MTCH2: variants seen among roughly 807,000 people sequenced by gnomAD.
The protein encoded by MTCH2 is mitochondrial carrier homolog 2.
Under a neutral mutation model 50.6 loss-of-function variants are expected in MTCH2, and 25 were observed. That is an observed-to-expected ratio of 0.49 (90% CI 0.36 to 0.69). MTCH2 has a LOEUF of 0.69. Among genes scored for constraint, MTCH2 ranks in the 30% least tolerant of loss-of-function variants. The pLI is 0.00. For missense variants in MTCH2, 273 were observed against 384.4 expected (o/e 0.71, Z 2.42); for synonymous variants, 106 against 132.0 (o/e 0.80, Z 1.35).
the MTCH2 span, among the ~76,000 whole-genome samples, chr11:47,611,862 A>C: frequency 6.6e-6 from 1 of 152,190 alleles, no homozygotes. Context: ...GTTCCAGACA[A>C]GAGATTTGGT....
chr11:47,635,957 A>G (rs1023869502), intron 3 of MTCH2, among the ~76,000 whole-genome samples: 1 of 151,834 alleles, frequency 6.6e-6, no homozygotes, highest in Non-Finnish European at 1.5e-5. Context: ...GTGAAACCCC[A>G]TCTCTACTAA....
At position 47,631,587 on chromosome 11, in the gene MTCH2, A is replaced by G. The variant is rs1481329043; in HGVS notation, c.427+67T>C. On this transcript the variant is annotated intron_variant, in intron 6 of 12. Transcript: ENST00000302503. ...AGGCATTTTAGTCAACTCCCACGTC[A>G]ACCTATCTAAGTGGTCAGGAGAGAT... is the stretch of plus-strand genomic sequence containing the variant. 2.6e-6 allele frequency: 4 copies of G among 1,523,994 alleles called. No individual in the cohort carries two copies. In the African/African-American group the frequency reaches 5.5e-5, roughly 21 times the overall value. 94.4% of individuals were successfully genotyped at this position (1,523,994 alleles called of 1,614,324 possible). A position where few individuals can be genotyped will look rare whatever the true frequency, so the allele number is the denominator to read the frequency against.
At chr11:47,633,526 ATTTTTTTTTT>A (rs869251946) in intron 5 of MTCH2, among the ~76,000 whole-genome samples, 3,574 of 34,926 alleles carry the variant, frequency 0.1, 82 homozygotes, top group South Asian at 0.22. Flanking sequence ...ATATATATAT[ATTTTTTTTTT>A]TTTTTTTTTT....
intron 3 of MTCH2, among the ~76,000 whole-genome samples, chr11:47,636,425 C>A (rs1209334682): frequency 1.4e-5 from 2 of 145,296 alleles, no homozygotes. Flanking sequence ...CAGAGCAAGA[C>A]TCCATCTCAG....
chr11:47,638,785 C>A lies in MTCH2; in HGVS notation c.193G>T (p.Asp65Tyr), dbSNP rs370973631. 118 of 1,613,930 alleles carry A rather than the reference C, an allele frequency of 7.3e-5. No homozygotes were observed. Among genetic ancestry groups the A allele is most frequent in the South Asian group, 6.6e-4 (60 of 91,082 alleles). Residue 65 changes from aspartate (D) to tyrosine (Y), a missense_variant, in exon 3 of 13, where the codon GAT becomes TAT. This residue lies in a region of MTCH2 where 203 missense variants were observed against 244.3 expected (regional missense o/e 0.83). Transcript: ENST00000302503. ...CCTGTGAACAACCCGCGCCTCCCAT[C>A]GATACTGGCAATGTGCTGAGCTAAG... is the stretch of plus-strand genomic sequence containing the variant. The part of the protein sequence containing the change: ...FSYAQHIASI[D>Y]GRRGLFTGLT...
chr11:47,631,603 C>G, intron 6 of MTCH2, 51 bp downstream of exon 6: 1 of 1,579,382 alleles, frequency 6.3e-7, no homozygotes, highest in Non-Finnish European at 8.7e-7. Flanking sequence ...TCTAAGTGGT[C>G]AGGAGAGATC....
chr11:47,616,832 T>G (rs2097288709), downstream of MTCH2, among the ~76,000 whole-genome samples: 1 of 152,004 alleles, frequency 6.6e-6, no homozygotes, highest in African/African-American at 2.4e-5. Flanking sequence ...TACAGGCATG[T>G]GCCACCATGC....
chr11:47,638,488 G>A lies in MTCH2; in HGVS notation c.279+211C>T, dbSNP rs1197289750. Reference sequence around the variant, plus strand: ...GTGAACCCGGCAGGCGGAGTTTGCAGTGAGCCCAGATCGCGCCACTACACT... The same window carrying A: ...GTGAACCCGGCAGGCGGAGTTTGCAATGAGCCCAGATCGCGCCACTACACT... On this transcript the variant is annotated intron_variant, in intron 3 of 12. Coordinates refer to ENST00000302503, the MANE Select transcript of MTCH2 (RefSeq NM_014342.4). Among the ~76,000 whole-genome samples, 3 of 123,710 alleles carry A rather than the reference G, an allele frequency of 2.4e-5. No homozygotes were observed. The East Asian group carries it at 7.2e-4, about 30-fold the overall frequency. 81.2% of individuals were successfully genotyped at this position (123,710 alleles called of 152,430 possible). A position where few individuals can be genotyped will look rare whatever the true frequency, so the allele number is the denominator to read the frequency against.
At chr11:47,621,059 C>CGG (rs2097292781) in intron 12 of MTCH2, among the ~76,000 whole-genome samples, 1 of 152,138 alleles carries the variant, frequency 6.6e-6, no homozygotes, top group African/African-American at 2.4e-5. Flanking sequence ...GAAGGAAAGG[C>CGG]CATTTTTTCC....
At chr11:47,628,651 T>G (rs574527319) in intron 9 of MTCH2, among the ~76,000 whole-genome samples, 1 of 152,200 alleles carries the variant, frequency 6.6e-6, no homozygotes, top group East Asian at 1.9e-4. Context: ...CTTGGCTCAC[T>G]GCAACCTCCG....
chr11:47,620,706 C>T (rs1261559545), intron 12 of MTCH2, among the ~76,000 whole-genome samples: 4 of 152,170 alleles, frequency 2.6e-5, no homozygotes, highest in African/African-American at 9.7e-5. Flanking sequence ...CTGAGTGCAA[C>T]TGAGTACACT....
chr11:47,642,352 G>A (rs766766050), intron 1 of MTCH2, 27 bp downstream of exon 1: 2 of 1,417,634 alleles, frequency 1.4e-6, no homozygotes, highest in South Asian at 1.3e-5. Flanking sequence ...GGCGCCGGGC[G>A]GGGTAGGGAG....
In MTCH2 at chr11:47,642,511, G is replaced by C. The variant is rs1407949061; in HGVS notation, c.-46C>G. ...GGACAGACAGACGGAGCCACCAAGC[G>C]ACCCGGTGAGCCGGTCCTAGGTCAC... On this transcript the variant is annotated 5_prime_UTR_variant, in exon 1 of 13. Transcript: ENST00000302503. The C allele has an allele frequency of 1.3e-6, 2 of 1,517,980 alleles. No individual in the cohort carries two copies. Among genetic ancestry groups the C allele is most frequent in the Non-Finnish European group, 8.9e-7 (1 of 1,128,366 alleles). 94.0% of individuals were successfully genotyped at this position (1,517,980 alleles called of 1,614,324 possible).
chr11:47,636,356 C>T (rs1351399083), intron 3 of MTCH2, among the ~76,000 whole-genome samples: 3 of 151,644 alleles, frequency 2.0e-5, no homozygotes, highest in Admixed American at 2.0e-4. Flanking sequence ...ATTGCTTGAA[C>T]CCGGGGGGTA....
intron 1 of MTCH2, among the ~76,000 whole-genome samples, chr11:47,639,493 T>C (rs1050335589): frequency 2.0e-5 from 3 of 152,262 alleles, no homozygotes; most frequent in Non-Finnish European, 4.4e-5. Flanking sequence ...AATGCAGATA[T>C]AGCTGGATAA....
intron 5 of MTCH2, among the ~76,000 whole-genome samples, chr11:47,633,524 A>C (rs868409902): frequency 1.8e-5 from 1 of 55,308 alleles, no homozygotes; most frequent in African/African-American, 9.1e-5. Context: ...ATATATATAT[A>C]TATTTTTTTT....
At chr11:47,611,098 T>A in the MTCH2 span, among the ~76,000 whole-genome samples, 1 of 152,238 alleles carries the variant, frequency 6.6e-6, no homozygotes, top group Admixed American at 6.5e-5. Context: ...TAGAGTTTTA[T>A]GTTCTTGTCA....
chr11:47,636,839 C>G (rs1300639258), intron 3 of MTCH2, among the ~76,000 whole-genome samples: 1 of 152,012 alleles, frequency 6.6e-6, no homozygotes, highest in Non-Finnish European at 1.5e-5. Context: ...ACTGCTTGAG[C>G]CCAGGAATTC....
In MTCH2 at chr11:47,642,356, T is replaced by A. The variant is rs1345023054; in HGVS notation, c.87+23A>T. The A allele has an allele frequency of 2.1e-6, 3 of 1,403,898 alleles. No individual in the cohort carries two copies. In the South Asian group the frequency reaches 4.1e-5, roughly 19 times the overall value. 87.0% of individuals were successfully genotyped at this position (1,403,898 alleles called of 1,614,324 possible). ...CGACCGAACGGGGCGCCGGGCGGGGTAGGGAGCGGCGACGCCTCATACCTG... is the reference window on the plus strand; with the variant it reads ...CGACCGAACGGGGCGCCGGGCGGGGAAGGGAGCGGCGACGCCTCATACCTG... On this transcript the variant is annotated intron_variant, in intron 1 of 12. Transcript: ENST00000302503.
Sources: allele counts gnomAD v4.1 joint callset (sites outside exome capture counted in the v4.1 genomes callset), GRCh38; gene constraint gnomAD v4.1.1; regional missense constraint gnomAD v4.1.1; transcripts MANE v1.5; gene names NCBI Gene and HGNC (gene_info 2026-07-23, HGNC 2026-07-21).